The following BROX variants were observed in gnomAD, a reference collection of about 807,000 sequenced individuals.
BROX encodes the protein BRO1 domain-containing protein BROX.
Under a neutral mutation model 61.0 loss-of-function variants are expected in BROX, and 53 were observed. The ratio of observed to expected loss-of-function variants is 0.87; its 90% CI spans 0.70 to 1.09. The LOEUF is 1.09. Ranked by LOEUF, BROX falls within the 50% of genes least tolerant of loss-of-function variation. BROX has a pLI of 0.00. For missense variants in BROX, 489 were observed against 472.0 expected, an observed-to-expected ratio of 1.04 and a Z score of -0.33; for synonymous variants, 152 against 160.2, an observed-to-expected ratio of 0.95 and a Z score of 0.38.
At chr1:222,715,993 C>T (rs187561804) in intron 2 of BROX, among the ~76,000 whole-genome samples, 193 bp downstream of exon 2, 6 of 152,256 alleles carry the variant, frequency 3.9e-5, no homozygotes, top group South Asian at 2.1e-4. Flanking sequence ...GTAAATGAGT[C>T]CCAGAGAGGC....
intron 1 of BROX, among the ~76,000 whole-genome samples, chr1:222,714,340 C>T (rs1165810625): frequency 6.6e-6 from 1 of 150,860 alleles, no homozygotes; most frequent in East Asian, 2.0e-4. Context: ...GTAGCTGGGA[C>T]TACAGGCGAC....
At chr1:222,718,468 A>G (rs1010633003) in intron 2 of BROX, among the ~76,000 whole-genome samples, 1 of 152,190 alleles carries the variant, frequency 6.6e-6, no homozygotes, top group Non-Finnish European at 1.5e-5. Flanking sequence ...TGTCAGATTT[A>G]GAAACTTCAA....
At chr1:222,720,859 C>G (rs568457382) in intron 4 of BROX, among the ~76,000 whole-genome samples, 15 of 151,910 alleles carry the variant, frequency 9.9e-5, no homozygotes, top group Non-Finnish European at 1.8e-4. Flanking sequence ...AACCTTTTTT[C>G]AGCAGTTTTA....
In BROX at chr1:222,735,184, A is replaced by G. The variant is rs1658203297; in HGVS notation, c.*2470A>G. 6.6e-6 allele frequency: 1 copy of G among 152,238 alleles called. No homozygotes were observed. Among genetic ancestry groups the G allele is most frequent in the South Asian group, 2.1e-4 (1 of 4,838 alleles). The allele number at this position is 152,238 out of a possible 1,614,324, so 9.4% of individuals were successfully genotyped here. A position where few individuals can be genotyped will look rare whatever the true frequency, so the allele number is the denominator to read the frequency against. On this transcript the variant is annotated 3_prime_UTR_variant, in exon 13 of 13. Transcript: ENST00000340934. Reference sequence around the variant, plus strand: ...TATGAAAATAAAAGTAATTTTACTTACAATTTCATTGAGATCTTTTGTTTT... The same window carrying G: ...TATGAAAATAAAAGTAATTTTACTTGCAATTTCATTGAGATCTTTTGTTTT...
intron 5 of BROX, among the ~76,000 whole-genome samples, chr1:222,723,492 T>A (rs1363001450): frequency 6.6e-6 from 1 of 152,162 alleles, no homozygotes; most frequent in East Asian, 1.9e-4. Context: ...TAGTATCTTC[T>A]TTTTGGAGAC....
rs1302455081 is a variant in BROX at position 222,716,978 on chromosome 1, ATT to A, written c.101+1179_101+1180del. On this transcript the variant is annotated intron_variant, in intron 2 of 12. Transcript: ENST00000340934. Reference sequence around the variant, plus strand: ...CTATATGAGATACAGAATCTAGATGATTAAGACATTGGTGGTACCAATAAAGG... The same window carrying A: ...CTATATGAGATACAGAATCTAGATGAAAGACATTGGTGGTACCAATAAAGG... 3.3e-5 allele frequency among the ~76,000 whole-genome samples: 5 copies of A among 152,322 alleles called. No individual in the cohort carries two copies. In the East Asian group the frequency reaches 9.6e-4, roughly 29 times the overall value.
rs770510554 is a variant in BROX, at chr1:222,729,626, T to C, written c.763T>C (p.Cys255Arg). Residue 255 changes from cysteine (C) to arginine (R), a missense_variant, in exon 10 of 13, where the codon TGT (cysteine) becomes CGT (arginine). Physicochemically the swap from Cys to Arg is radical, Grantham distance 180. Transcript: ENST00000340934. ...AATTTGTTTATTTCATCAGGCTTACTGTTACCATGGTGAGACTTTATTGGC... is the reference window on the plus strand; with the variant it reads ...AATTTGTTTATTTCATCAGGCTTACCGTTACCATGGTGAGACTTTATTGGC... Reference protein sequence around the residue: ...KMCFYTAYAYCYHGETLLASD... With the variant: ...KMCFYTAYAYRYHGETLLASD... 1.9e-6 allele frequency: 3 copies of C among 1,612,442 alleles called. No individual in the cohort carries two copies. The highest frequency in any genetic ancestry group is 2.5e-6 in the Non-Finnish European group (3 of 1,178,892).
Position 222,727,246 on chromosome 1 carries a change from A to G in BROX, c.659A>G (p.Tyr220Cys), listed in dbSNP as rs371178531. ...CTGGCGTATGAAACAGCCAATTTCT[A>G]TCAAAAAGCTGGTAAGCTTCTAATT... Reference protein sequence around the residue: ...AALAYETANFYQKADHTLSSL... With the variant: ...AALAYETANFCQKADHTLSSL... Residue 220 changes from tyrosine to cysteine, a missense_variant, in exon 8 of 13, where the codon TAT becomes TGT. By Grantham distance (194) the Tyr-to-Cys change is radical (BLOSUM62 -2). Transcript: ENST00000340934. The G allele has an allele frequency of 5.6e-6, 9 of 1,609,954 alleles. No homozygotes were observed. Among genetic ancestry groups the G allele is most frequent in the African/African-American group, 5.3e-5 (4 of 74,838 alleles).
intron 2 of BROX, among the ~76,000 whole-genome samples, chr1:222,716,656 C>T (rs182776145): frequency 6.6e-6 from 1 of 152,300 alleles, no homozygotes; most frequent in African/African-American, 2.4e-5. Flanking sequence ...GTATGGCTGC[C>T]TCTGGCTGCT....
Position 222,724,164 on chromosome 1 carries a change from G to C in BROX, c.474G>C (p.Lys158Asn). 6.2e-7 allele frequency: 1 copy of C among 1,600,458 alleles called. No individual in the cohort carries two copies. Among genetic ancestry groups the C allele is most frequent in the Non-Finnish European group, 8.5e-7 (1 of 1,174,424 alleles). Residue 158 changes from lysine (K) to asparagine (N), a missense_variant and splice_region_variant, in exon 6 of 13, where the codon AAG (lysine) becomes AAC (asparagine). Transcript: ENST00000340934. ...KIAAGIFKHLKESHLPKLITP... is the reference protein window; with the variant it reads ...KIAAGIFKHLNESHLPKLITP... ...CAGCTGGGATTTTTAAACATTTAAA[G>C]GTAAAACAAACAAACAAAAACCATT...
intron 1 of BROX, among the ~76,000 whole-genome samples, chr1:222,714,352 G>A (rs1232929490): frequency 6.6e-6 from 1 of 151,152 alleles, no homozygotes; most frequent in Non-Finnish European, 1.5e-5. Flanking sequence ...ACAGGCGACC[G>A]CCACCATGCC....
chr1:222,729,248 T>G (rs1267053169), intron 9 of BROX, among the ~76,000 whole-genome samples: 3 of 152,192 alleles, frequency 2.0e-5, no homozygotes, highest in Non-Finnish European at 2.9e-5. Flanking sequence ...ACTTAATTGT[T>G]TTGTTAATTA....
chr1:222,721,163 T>A (rs1657069670), intron 4 of BROX, among the ~76,000 whole-genome samples: 1 of 152,224 alleles, frequency 6.6e-6, no homozygotes, highest in African/African-American at 2.4e-5. Flanking sequence ...TTAAAAGTTA[T>A]AAATTAGACA....
At chr1:222,721,489 GT>G (rs1353902727) in intron 4 of BROX, among the ~76,000 whole-genome samples, 1 of 151,298 alleles carries the variant, frequency 6.6e-6, no homozygotes, top group African/African-American at 2.4e-5. Context: ...TTCTTTTTGG[GT>G]AGCTTTTCTG....
At chr1:222,726,132 T>A (rs1424325345) in intron 7 of BROX, among the ~76,000 whole-genome samples, 1 of 152,264 alleles carries the variant, frequency 6.6e-6, no homozygotes. Flanking sequence ...TTCTCTCTAC[T>A]GTGCTCATTC....
At chr1:222,716,223 C>T (rs899774537) in intron 2 of BROX, among the ~76,000 whole-genome samples, 12 of 152,074 alleles carry the variant, frequency 7.9e-5, no homozygotes, top group African/African-American at 1.4e-4. Flanking sequence ...CTCAGCCTCC[C>T]GAGTAGCTGG....
chr1:222,721,258 T>G (rs960617793), intron 4 of BROX, among the ~76,000 whole-genome samples: 6 of 152,198 alleles, frequency 3.9e-5, no homozygotes, highest in Admixed American at 1.3e-4. Flanking sequence ...TAAATTTTTT[T>G]CAGGAGGATA....
intron 4 of BROX, among the ~76,000 whole-genome samples, chr1:222,721,373 C>CTTT (rs199661132): frequency 7.6e-6 from 1 of 131,564 alleles, no homozygotes; most frequent in African/African-American, 2.7e-5. Flanking sequence ...TTTTATAACA[C>CTTT]TTTTTTTTTT....
intron 4 of BROX, among the ~76,000 whole-genome samples, chr1:222,720,054 C>G (rs1258845373): frequency 1.3e-5 from 2 of 152,090 alleles, no homozygotes. Flanking sequence ...GCTGAAAGAC[C>G]AGAGCAGACT....
Sources: gnomAD v4.1 joint callset for allele counts (sites outside exome capture counted in the v4.1 genomes callset) on GRCh38, gnomAD v4.1.1 for gene constraint, MANE v1.5 for transcripts, NCBI Gene and HGNC (gene_info 2026-07-23, HGNC 2026-07-21) for gene names.